Variants in CERS6 observed in about 807,000 individuals in gnomAD.
CERS6 encodes ceramide synthase 6, also known as LAG1 homolog, ceramide synthase 6.
A neutral mutation model predicts 56.8 loss-of-function variants in CERS6; 26 were observed. The observed-to-expected ratio is 0.46, with a 90% CI of 0.34 to 0.63. CERS6 has a LOEUF of 0.63. Among genes scored for constraint, CERS6 ranks in the 30% least tolerant of loss-of-function variants. The pLI, the probability that CERS6 is intolerant of heterozygous loss-of-function variation, is 0.01. For missense variants in CERS6, 415 were observed against 467.5 expected (o/e 0.89, Z 1.04); for synonymous variants, 164 against 173.3 (o/e 0.95, Z 0.42).
In CERS6 at chr2:168,549,603, C is replaced by G. The variant is rs555625573; in HGVS notation, c.276+1902C>G. Among the ~76,000 whole-genome samples the G allele has an allele frequency of 1.1e-3, 172 of 152,322 alleles. 2 individuals carry two copies. The highest frequency in any genetic ancestry group is 3.9e-3 in the African/African-American group (164 of 41,564). ...TGAGCAGAGATCACGCCACTGCACT[C>G]CAGCCTGGCAATGGAGCAAGACTCT... On this transcript the variant is annotated intron_variant, in intron 2 of 9. Coordinates refer to ENST00000305747, the MANE Select transcript of CERS6 (RefSeq NM_203463.3).
chr2:168,727,041 C>A (rs950689420), intron 8 of CERS6, among the ~76,000 whole-genome samples: 7 of 152,178 alleles, frequency 4.6e-5, no homozygotes, highest in African/African-American at 1.4e-4. Context: ...CTTCCCATGG[C>A]CAGTTAATGA....
chr2:168,534,384 C>T (rs186229522), intron 1 of CERS6, among the ~76,000 whole-genome samples: 5 of 147,508 alleles, frequency 3.4e-5, no homozygotes, highest in African/African-American at 7.4e-5. Flanking sequence ...ACCTGCTAAC[C>T]CTTGGATGCG....
At chr2:168,584,284 G>C (rs1406352792) in intron 3 of CERS6, among the ~76,000 whole-genome samples, 1 of 152,154 alleles carries the variant, frequency 6.6e-6, no homozygotes, top group African/African-American at 2.4e-5. Context: ...ATGTTTTTTA[G>C]GTTTCTCAAT....
intron 3 of CERS6, among the ~76,000 whole-genome samples, chr2:168,602,317 T>A (rs1269710843): frequency 6.6e-6 from 1 of 152,238 alleles, no homozygotes; most frequent in East Asian, 1.9e-4. Flanking sequence ...AAGATAAAGA[T>A]ACATGAAATA....
In CERS6 at chr2:168,546,491, T is replaced by C. The variant is rs568328255; in HGVS notation, c.171-1105T>C. ...TAAATTTCTTCACTTTTACTTGAAA[T>C]AGGACCCAGTAGGATATTATGTGGT... On this transcript the variant is annotated intron_variant, in intron 1 of 9. Coordinates refer to ENST00000305747, the MANE Select transcript of CERS6 (RefSeq NM_203463.3). Among the ~76,000 whole-genome samples, 56 of 152,310 alleles carry C rather than the reference T, an allele frequency of 3.7e-4. No homozygotes were observed. The South Asian group carries it at 0.011, about 31-fold the overall frequency.
intron 4 of CERS6, among the ~76,000 whole-genome samples, chr2:168,662,556 C>T (rs1685657649): frequency 6.6e-6 from 1 of 152,132 alleles, no homozygotes; most frequent in Non-Finnish European, 1.5e-5. Context: ...TGGTGAAACC[C>T]CGTCTCAACT....
chr2:168,586,909 G>T (rs184515620), intron 3 of CERS6, among the ~76,000 whole-genome samples: 2 of 152,170 alleles, frequency 1.3e-5, no homozygotes, highest in Non-Finnish European at 2.9e-5. Context: ...GGTGGCTCAC[G>T]CTGGTAATTC....
chr2:168,731,067 C>T (rs1683518786), intron 8 of CERS6, among the ~76,000 whole-genome samples: 1 of 152,114 alleles, frequency 6.6e-6, no homozygotes, highest in Admixed American at 6.6e-5. Context: ...CTGTTTTAAT[C>T]ACTTAATATT....
rs1684884137 is a variant in CERS6 at position 168,772,302 on chromosome 2, C to T, written c.*2640C>T. ...AGAAAGGATTCCAGAAGAAGTAATA[C>T]TTTATTCTCTAATGTTAATAGCTTT... On this transcript the variant is annotated 3_prime_UTR_variant, in exon 10 of 10. Transcript: ENST00000305747. 6.6e-6 allele frequency: 1 copy of T among 152,576 alleles called. No individual in the cohort carries two copies. The highest frequency in any genetic ancestry group is 2.4e-5 in the African/African-American group (1 of 41,438). The allele number at this position is 152,576 out of a possible 1,614,324, so 9.5% of individuals were successfully genotyped here.
intron 1 of CERS6, among the ~76,000 whole-genome samples, chr2:168,464,013 T>A (rs538869389): frequency 6.6e-5 from 10 of 152,316 alleles, no homozygotes; most frequent in African/African-American, 2.4e-4. Flanking sequence ...ATAATTGGTA[T>A]TTAATTTTCT....
intron 4 of CERS6, among the ~76,000 whole-genome samples, chr2:168,656,563 T>C (rs1333032865): frequency 2.0e-5 from 3 of 151,674 alleles, no homozygotes; most frequent in Non-Finnish European, 2.9e-5. Flanking sequence ...AGGTAGCGCG[T>C]CTGGAGTTGT....
chr2:168,718,630 T>G (rs1687285459), intron 8 of CERS6, among the ~76,000 whole-genome samples: 1 of 152,230 alleles, frequency 6.6e-6, no homozygotes, highest in Admixed American at 6.5e-5. Context: ...TAGATGCTTT[T>G]CATATTTCTT....
At chr2:168,668,112 T>C (rs1282742012) in intron 4 of CERS6, among the ~76,000 whole-genome samples, 1 of 152,214 alleles carries the variant, frequency 6.6e-6, no homozygotes, top group Non-Finnish European at 1.5e-5. Flanking sequence ...CAACAGATGT[T>C]TTTCAAATGC....
chr2:168,679,665 A>G (rs1686161195), intron 4 of CERS6, among the ~76,000 whole-genome samples: 1 of 152,212 alleles, frequency 6.6e-6, no homozygotes, highest in Admixed American at 6.5e-5. Flanking sequence ...CACAGATAGG[A>G]CATGGTTCAG....
chr2:168,670,556 C>T (rs1251314944), intron 4 of CERS6, among the ~76,000 whole-genome samples: 1 of 152,212 alleles, frequency 6.6e-6, no homozygotes, highest in Non-Finnish European at 1.5e-5. Flanking sequence ...TTCATGCCTT[C>T]TTTCCTCTGT....
At chr2:168,754,196 G>GT (rs948814472) in intron 8 of CERS6, among the ~76,000 whole-genome samples, 1 of 152,186 alleles carries the variant, frequency 6.6e-6, no homozygotes, top group African/African-American at 2.4e-5. Flanking sequence ...GAACAAGGAA[G>GT]TTGGAAGGAA....
chr2:168,653,908 A>C (rs1685405610), intron 4 of CERS6, among the ~76,000 whole-genome samples: 1 of 152,204 alleles, frequency 6.6e-6, no homozygotes, highest in African/African-American at 2.4e-5. Flanking sequence ...CATCATATTA[A>C]TATTGGAAAG....
intron 1 of CERS6, among the ~76,000 whole-genome samples, chr2:168,523,531 G>A (rs181390520): frequency 1.3e-5 from 2 of 152,160 alleles, no homozygotes; most frequent in African/African-American, 2.4e-5. Flanking sequence ...CACTGTGTAC[G>A]ACAGTGGCAC....
intron 1 of CERS6, among the ~76,000 whole-genome samples, chr2:168,536,117 G>A (rs1695259019): frequency 6.6e-6 from 1 of 152,200 alleles, no homozygotes; most frequent in Admixed American, 6.5e-5. Context: ...AAGTGGCAGA[G>A]ATAATGCAGA....
Sources: gnomAD v4.1 joint callset for allele counts (sites outside exome capture counted in the v4.1 genomes callset) on GRCh38, gnomAD v4.1.1 for gene constraint, MANE v1.5 for transcripts, NCBI Gene and HGNC (gene_info 2026-07-23, HGNC 2026-07-21) for gene names.